TTC23: variants seen among roughly 807,000 people sequenced by gnomAD.
TTC23 encodes the protein tetratricopeptide repeat domain 23, also known as tetratricopeptide repeat protein 23.
TTC23 carries 58 observed loss-of-function variants against 55.1 expected under a neutral mutation model. That is an observed-to-expected ratio of 1.05 (90% CI 0.85 to 1.31). The LOEUF (loss-of-function observed/expected upper bound fraction) is 1.31, where lower values mean the gene tolerates loss of function less well. Ranked by LOEUF, TTC23 falls within the 50% of genes most tolerant of loss-of-function variation. TTC23 has a pLI of 0.00. For synonymous variants in TTC23, 203 were observed against 199.9 expected, an observed-to-expected ratio of 1.02 and a Z score of -0.13; for missense variants, 516 against 534.4, an observed-to-expected ratio of 0.97 and a Z score of 0.34.
chr15:99,218,727 A>G lies in TTC23; in HGVS notation c.456-14T>C. 1.2e-6 allele frequency: 2 copies of G among 1,613,606 alleles called. No individual in the cohort carries two copies. Among genetic ancestry groups the G allele is most frequent in the South Asian group, 1.1e-5 (1 of 91,058 alleles). On this transcript the variant is annotated splice_polypyrimidine_tract_variant and intron_variant, in intron 7 of 13. Transcript: ENST00000394132. ...GCTTCCTTAAATCTGAATTGTGTTC[A>G]GGAAATTTTCCACTTGGTTCTAGAT...
chr15:99,180,160 G>C (rs981748427), intron 9 of TTC23, among the ~76,000 whole-genome samples: 1 of 152,058 alleles, frequency 6.6e-6, no homozygotes, highest in African/African-American at 2.4e-5. Context: ...AATCTCCCCA[G>C]GGCTTGCATT....
At chr15:99,220,224 A>G (rs1489627519) in intron 6 of TTC23, among the ~76,000 whole-genome samples, 1 of 152,220 alleles carries the variant, frequency 6.6e-6, no homozygotes, top group Admixed American at 6.5e-5. Flanking sequence ...TCAGCTGTAA[A>G]CAGGGATATT....
At chr15:99,242,991 G>A (rs566482544) in intron 2 of TTC23, among the ~76,000 whole-genome samples, 118 of 152,184 alleles carry the variant, frequency 7.8e-4, no homozygotes, top group African/African-American at 2.8e-3. Context: ...AAACAAAAAT[G>A]GACAAATGGG....
chr15:99,137,911 T>A lies in TTC23; in HGVS notation c.*99A>T. Reference sequence around the variant, plus strand: ...CAACAGTTGGCCTTGGAAATCTGTATCCTGACTGTTGAATTCCATTTTCTA... The same window carrying A: ...CAACAGTTGGCCTTGGAAATCTGTAACCTGACTGTTGAATTCCATTTTCTA... On this transcript the variant is annotated 3_prime_UTR_variant, in exon 14 of 14. Transcript: ENST00000394132. The A allele has an allele frequency of 1.3e-6, 2 of 1,555,360 alleles. No individual in the cohort carries two copies. The highest frequency in any genetic ancestry group is 2.7e-5 in the African/African-American group (2 of 73,660).
intron 9 of TTC23, among the ~76,000 whole-genome samples, chr15:99,182,569 T>C (rs2074256814): frequency 6.6e-6 from 1 of 152,230 alleles, no homozygotes; most frequent in South Asian, 2.1e-4. Flanking sequence ...CTTTATGATA[T>C]ATTATCACAG....
intron 8 of TTC23, among the ~76,000 whole-genome samples, chr15:99,217,366 T>A (rs1199818343): frequency 2.0e-5 from 3 of 151,956 alleles, no homozygotes; most frequent in Non-Finnish European, 4.4e-5. Context: ...ACCATGTTTG[T>A]CAGGCTGGTC....
At position 99,156,288 on chromosome 15, in the gene TTC23, A is replaced by C; in HGVS notation, c.1003T>G (p.Ser335Ala). The stretch of plus-strand genomic sequence containing the variant: ...GCTTCCAGGGACTCTCTCAGGATCG[A>C]GGTTGCTCTCTGTGAAAGGAACAAA... ...QMTGQKERAT[S>A]ILRESLEAKV... Residue 335 changes from serine to alanine, a missense_variant, in exon 12 of 14, where the codon TCG becomes GCG. Ser to Ala is a moderately conservative substitution (Grantham distance 99). Transcript: ENST00000394132. 2 of 1,614,154 alleles carry C rather than the reference A, an allele frequency of 1.2e-6. No homozygotes were observed. The highest frequency in any genetic ancestry group is 2.2e-5 in the South Asian group (2 of 91,076).
At chr15:99,149,505 G>C (rs901600774) in intron 12 of TTC23, among the ~76,000 whole-genome samples, 7 of 152,224 alleles carry the variant, frequency 4.6e-5, no homozygotes, top group African/African-American at 1.7e-4. Context: ...GTGGCCCAGA[G>C]CAGTGATTCT....
At chr15:99,250,145 T>C (rs1392654197), upstream of TTC23, among the ~76,000 whole-genome samples, 1 of 152,252 alleles carries the variant, frequency 6.6e-6, no homozygotes, top group Non-Finnish European at 1.5e-5. Flanking sequence ...ACCGTATCTT[T>C]GTTTTTACAC....
At position 99,218,629 on chromosome 15, in the gene TTC23, T is replaced by C. The variant is rs1337590232; in HGVS notation, c.540A>G (p.Glu180=). 6.2e-7 allele frequency: 1 copy of C among 1,614,104 alleles called. No homozygotes were observed. The highest frequency in any genetic ancestry group is 8.5e-7 in the Non-Finnish European group (1 of 1,180,048). Residue 180 remains glutamate (E), a synonymous_variant, in exon 8 of 14, where the codon GAA becomes GAG. Coordinates refer to ENST00000394132, the MANE Select transcript of TTC23 (RefSeq NM_001288615.3). ...LLQCGRIIKE[E]WIEIEARIRL... is the part of the protein sequence containing the mutation. ...TGATCCGTGCTTCAATTTCTATCCA[T>C]TCTTCCTTTATAATTCTTCCACATT...
chr15:99,240,177 A>G (rs1387842060), intron 3 of TTC23, among the ~76,000 whole-genome samples: 1 of 152,234 alleles, frequency 6.6e-6, no homozygotes, highest in Non-Finnish European at 1.5e-5. Flanking sequence ...TGGGAGGCAG[A>G]AAAGAAAGTT....
chr15:99,152,490 C>T (rs1302569249), intron 12 of TTC23, among the ~76,000 whole-genome samples: 1 of 152,004 alleles, frequency 6.6e-6, no homozygotes, highest in African/African-American at 2.4e-5. Context: ...GACTCTCCTG[C>T]CTCAGCCTCC....
At chr15:99,208,484 T>C (rs1395128674) in intron 8 of TTC23, among the ~76,000 whole-genome samples, 1 of 152,116 alleles carries the variant, frequency 6.6e-6, no homozygotes, top group Non-Finnish European at 1.5e-5. Flanking sequence ...ATACTACATA[T>C]ATATGTGTCT....
chr15:99,234,360 TTATC>T (rs2079144306), intron 4 of TTC23, among the ~76,000 whole-genome samples: 1 of 152,086 alleles, frequency 6.6e-6, no homozygotes, highest in Non-Finnish European at 1.5e-5. Context: ...ATTTATTTAT[TTATC>T]TATTTATTTA....
intron 5 of TTC23, 149 bp downstream of exon 5, chr15:99,228,384 A>T: frequency 1.6e-6 from 1 of 611,558 alleles, no homozygotes; most frequent in Non-Finnish European, 2.6e-6. Context: ...TACTGCATTC[A>T]TTCATGTTAT....
chr15:99,231,791 C>T (rs2078957811), intron 4 of TTC23, among the ~76,000 whole-genome samples: 1 of 151,474 alleles, frequency 6.6e-6, no homozygotes, highest in Middle Eastern at 3.2e-3. Flanking sequence ...TGCGCCTGGC[C>T]TGTTTGTTTG....
chr15:99,231,858 T>C (rs139585347), intron 4 of TTC23, among the ~76,000 whole-genome samples: 350 of 151,392 alleles, frequency 2.3e-3, no homozygotes, highest in African/African-American at 7.8e-3. Flanking sequence ...AATGGCTCTA[T>C]CTTGGCTCAC....
rs1335694722 is a variant in TTC23, at chr15:99,200,005, G to A, written c.673C>T (p.Arg225Cys). The A allele has an allele frequency of 6.8e-6, 11 of 1,613,884 alleles. No homozygotes were observed. The highest frequency in any genetic ancestry group is 5.5e-5 in the South Asian group (5 of 91,060). The change falls in exon 9 of 14, where the codon CGT (arginine) becomes TGT (cysteine). Residue 225 changes from arginine to cysteine, a missense_variant. By Grantham distance (180) the Arg-to-Cys change is radical. Coordinates refer to ENST00000394132, the MANE Select transcript of TTC23 (RefSeq NM_001288615.3). ...TCTCTCAATATGGGTACACACTCAC[G>A]ACTTGTTTCACCTTTACTGATCTCA... ...YVEISKGETS[R>C]ECVPILRELA...
chr15:99,169,154 G>A (rs2072567202), intron 10 of TTC23, among the ~76,000 whole-genome samples: 1 of 152,272 alleles, frequency 6.6e-6, no homozygotes, highest in Non-Finnish European at 1.5e-5. Flanking sequence ...CACAGAGCAG[G>A]GATGGATGCC....
Sources: allele counts gnomAD v4.1 joint callset (sites outside exome capture counted in the v4.1 genomes callset), GRCh38; gene constraint gnomAD v4.1.1; transcripts MANE v1.5; gene names NCBI Gene and HGNC (gene_info 2026-07-23, HGNC 2026-07-21).